Variants in NPRL3 observed in about 807,000 individuals in gnomAD.
The protein encoded by NPRL3 is GATOR1 complex protein NPRL3.
In NPRL3, 23 loss-of-function variants were observed where a neutral mutation model predicts 57.2. That is an observed-to-expected ratio of 0.40 (90% CI 0.29 to 0.57). The LOEUF is 0.57. NPRL3 is among the 20% of genes least tolerant of loss of function. NPRL3 has a pLI of 0.42. For missense variants in NPRL3, 691 were observed against 767.1 expected (o/e 0.90, Z 1.17); for synonymous variants, 333 against 321.1 (o/e 1.04, Z -0.39).
At chr16:89,984 A>G (rs1898695965) in intron 11 of NPRL3, 82 bp from the exon 12 acceptor site, 2 of 1,307,280 alleles carry the variant, frequency 1.5e-6, no homozygotes, top group Non-Finnish European at 2.1e-6. Flanking sequence ...GGCCCTAGAC[A>G]TGGCCACAGC....
chr16:89,596 G>A (rs964858730), intron 12 of NPRL3, 117 bp downstream of exon 12: 20 of 957,112 alleles, frequency 2.1e-5, no homozygotes, highest in Admixed American at 7.0e-5. Context: ...ACGTGCATGT[G>A]CGTGTGCAGC....
intron 7 of NPRL3, among the ~76,000 whole-genome samples, chr16:109,020 G>A (rs216089): frequency 0.085 from 12,783 of 150,234 alleles, 1,083 homozygotes; most frequent in African/African-American, 0.23. Flanking sequence ...TGGGGCCAGA[G>A]TACAATGGTA....
At chr16:127,898 G>A (rs529140025) in intron 3 of NPRL3, among the ~76,000 whole-genome samples, 37 of 151,430 alleles carry the variant, frequency 2.4e-4, no homozygotes, top group African/African-American at 7.0e-4. Flanking sequence ...CTCATGATCC[G>A]CCCGCCTTGG....
intron 12 of NPRL3, chr16:89,125 C>A: frequency 1.8e-6 from 1 of 559,540 alleles, no homozygotes; most frequent in Non-Finnish European, 3.2e-6. Flanking sequence ...GGGACCTGAA[C>A]AGAGGTGCGA....
chr16:125,526 A>T (rs1051959071), intron 3 of NPRL3, among the ~76,000 whole-genome samples: 1 of 152,196 alleles, frequency 6.6e-6, no homozygotes, highest in Non-Finnish European at 1.5e-5. Flanking sequence ...CTCAGAGACA[A>T]GGATGGTCCT....
At chr16:131,245 C>T (rs987870168) in intron 2 of NPRL3, among the ~76,000 whole-genome samples, 3 of 151,754 alleles carry the variant, frequency 2.0e-5, no homozygotes, top group Admixed American at 6.6e-5. Context: ...TTTGGGAGGC[C>T]GAGGCGGGTG....
intron 11 of NPRL3, 36 bp from the exon 12 acceptor site, chr16:89,938 C>T: frequency 6.6e-7 from 1 of 1,525,198 alleles, no homozygotes; most frequent in Admixed American, 2.1e-5. Flanking sequence ...GTCCCCCTCC[C>T]CACTCCAACT....
intron 2 of NPRL3, among the ~76,000 whole-genome samples, chr16:131,704 TAG>T (rs896612561): frequency 8.6e-5 from 13 of 151,960 alleles, no homozygotes; most frequent in African/African-American, 3.1e-4. Flanking sequence ...GTTGACTGAT[TAG>T]AGTGGTACTT....
In NPRL3 at chr16:86,638, G is replaced by A; in HGVS notation, c.*67C>T. ...AGGGCTCAGCCTCAGCACGGGGGGA[G>A]CCCTGGGGTGGGGAGACGCGAGCGC... On this transcript the variant is annotated 3_prime_UTR_variant, in exon 14 of 14. Transcript: ENST00000611875. 2 of 1,458,772 alleles carry A rather than the reference G, an allele frequency of 1.4e-6. No homozygotes were observed. The highest frequency in any genetic ancestry group is 9.2e-7 in the Non-Finnish European group (1 of 1,086,186). 90.4% of individuals were successfully genotyped at this position (1,458,772 alleles called of 1,614,324 possible).
Position 130,555 on chromosome 16 carries a change from C to T in NPRL3, c.155G>A (p.Gly52Asp), listed in dbSNP as rs1180748912. ...PRSRYAASNTGDHADEQDGDS... is the reference protein window; with the variant it reads ...PRSRYAASNTDDHADEQDGDS... ...GCCGTCCTGCTCATCAGCATGGTCG[C>T]CCGTGTTGCTGGCAGCGTATCTGCT... Residue 52 changes from glycine (G) to aspartate (D), a missense_variant, in exon 3 of 14, where the codon GGC becomes GAC. Physicochemically the swap from Gly to Asp is moderately conservative, Grantham distance 94. Transcript: ENST00000611875. 4 of 1,554,952 alleles carry T rather than the reference C, an allele frequency of 2.6e-6. 1 individual carries two copies. In the South Asian group the frequency reaches 3.6e-5, roughly 14 times the overall value.
At chr16:123,166 G>A (rs2141967246) in intron 3 of NPRL3, among the ~76,000 whole-genome samples, 1 of 152,118 alleles carries the variant, frequency 6.6e-6, no homozygotes, top group Admixed American at 6.5e-5. Flanking sequence ...AGATGACAGA[G>A]TCCACTCCTG....
chr16:96,804 C>G (rs768243387), intron 9 of NPRL3, among the ~76,000 whole-genome samples: 1 of 152,042 alleles, frequency 6.6e-6, no homozygotes, highest in Non-Finnish European at 1.5e-5. Flanking sequence ...AAAAGAAATA[C>G]AAGGGCACAA....
intron 7 of NPRL3, among the ~76,000 whole-genome samples, chr16:102,555 TC>T (rs1250488896): frequency 1.3e-5 from 2 of 152,200 alleles, no homozygotes. Context: ...GCATCATGTT[TC>T]CTCTGTTCAC....
chr16:102,276 C>G (rs1245675092), intron 7 of NPRL3, among the ~76,000 whole-genome samples: 1 of 152,206 alleles, frequency 6.6e-6, no homozygotes. Flanking sequence ...TAAGAGCCAA[C>G]AGCACTTGTT....
chr16:122,220 C>T (rs1207008075), intron 3 of NPRL3, among the ~76,000 whole-genome samples: 1 of 152,186 alleles, frequency 6.6e-6, no homozygotes, highest in Non-Finnish European at 1.5e-5. Flanking sequence ...CCTCAGCCTC[C>T]CAAATATCTG....
chr16:86,701 G>A lies in NPRL3; in HGVS notation c.*4C>T, dbSNP rs1167758697. ...CCCAGCAGCCTTCCGCCCTCCGCCT[G>A]GGCTCAGGGGAGCAGAGCCTGGAAG... On this transcript the variant is annotated 3_prime_UTR_variant, in exon 14 of 14. Transcript: ENST00000611875. 2.6e-6 allele frequency: 4 copies of A among 1,549,052 alleles called. No homozygotes were observed. The East Asian group carries it at 7.3e-5, about 28-fold the overall frequency.
At chr16:114,684 G>A (rs1415743981) in intron 5 of NPRL3, among the ~76,000 whole-genome samples, 1 of 152,172 alleles carries the variant, frequency 6.6e-6, no homozygotes, top group Non-Finnish European at 1.5e-5. Context: ...TTAGCAATCA[G>A]GAGAAGCTTC....
At chr16:110,378 C>T in intron 7 of NPRL3, 147 bp downstream of exon 7, 1 of 547,078 alleles carries the variant, frequency 1.8e-6, no homozygotes, top group South Asian at 3.2e-5. Flanking sequence ...CCAGTCCTCT[C>T]CGGCCCTAAC....
chr16:87,404 C>T (rs1898527250), intron 13 of NPRL3, among the ~76,000 whole-genome samples: 1 of 151,696 alleles, frequency 6.6e-6, no homozygotes, highest in Non-Finnish European at 1.5e-5. Context: ...TGGCTAATTT[C>T]TCTCTTTTTT....
Sources: allele counts gnomAD v4.1 joint callset (sites outside exome capture counted in the v4.1 genomes callset), GRCh38; gene constraint gnomAD v4.1.1; transcripts MANE v1.5; gene names NCBI Gene and HGNC (gene_info 2026-07-23, HGNC 2026-07-21).